MPP3: variants seen among roughly 807,000 people sequenced by gnomAD.
The protein encoded by MPP3 is MAGUK p55 scaffold protein 3.
A neutral mutation model predicts 80.7 loss-of-function variants in MPP3; 48 were observed. The observed-to-expected ratio is 0.59, with a 90% CI of 0.47 to 0.76. MPP3 has a LOEUF of 0.76. MPP3 is among the 30% of genes least tolerant of loss of function. The pLI is 0.00. For synonymous variants in MPP3, 311 were observed against 297.6 expected, an observed-to-expected ratio of 1.04 and a Z score of -0.46; for missense variants, 620 against 763.0, an observed-to-expected ratio of 0.81 and a Z score of 2.21.
At chr17:43,831,718 G>A (rs763924670) in intron 3 of MPP3, 41 bp from the exon 4 acceptor site, 5 of 1,538,216 alleles carry the variant, frequency 3.3e-6, no homozygotes, top group Admixed American at 1.8e-5. Context: ...CAAACGCAGT[G>A]GGTGCTCCCT....
At chr17:43,818,636 G>A (rs564105202) in intron 11 of MPP3, among the ~76,000 whole-genome samples, 102 of 152,248 alleles carry the variant, frequency 6.7e-4, no homozygotes, top group Non-Finnish European at 1.2e-3. Context: ...TTTAAATGCA[G>A]CTGAAGGGCC....
chr17:43,817,898 C>G, intron 12 of MPP3, 148 bp downstream of exon 12: 59 of 303,090 alleles, frequency 1.9e-4, no homozygotes, highest in East Asian at 1.3e-3. Flanking sequence ...CCTCCTACTT[C>G]CCACCCCCTC....
chr17:43,805,332 G>A (rs8081404), intron 19 of MPP3, among the ~76,000 whole-genome samples: 6,071 of 152,286 alleles, frequency 0.04, 401 homozygotes, highest in African/African-American at 0.14. Flanking sequence ...AAGGGCTGGT[G>A]AGGATGTGGA....
intron 12 of MPP3, chr17:43,817,824 C>A: frequency 4.5e-6 from 2 of 440,858 alleles, no homozygotes; most frequent in Non-Finnish European, 4.1e-6. Context: ...TGTTAACATA[C>A]CCCCCAGCAT....
chr17:43,827,038 G>T (rs1428183939), intron 8 of MPP3, among the ~76,000 whole-genome samples: 1 of 151,140 alleles, frequency 6.6e-6, no homozygotes. Flanking sequence ...TTTTTGAGAC[G>T]GAATTTCACT....
chr17:43,823,698 C>G (rs2045565390), intron 10 of MPP3, among the ~76,000 whole-genome samples: 1 of 152,168 alleles, frequency 6.6e-6, no homozygotes, highest in Non-Finnish European at 1.5e-5. Context: ...TTAAAATAAC[C>G]TTGTCTTTTA....
chr17:43,814,016 A>G lies in MPP3; in HGVS notation c.1250T>C (p.Val417Ala). Residue 417 changes from valine (V) to alanine (A), a missense_variant, in exon 16 of 20, where the codon GTT becomes GCT. Coordinates refer to ENST00000398389, the MANE Select transcript of MPP3 (RefSeq NM_001932.6). The stretch of plus-strand genomic sequence containing the variant: ...TCCCACATGGGCCCTCTTACGTGGA[A>G]CAGCGACGCCAAAGTGCTGTGGGTT... ...AENPQHFGVA[V>A]PHTTRPRKSH... 2 of 1,612,070 alleles carry G rather than the reference A, an allele frequency of 1.2e-6. No homozygotes were observed. The highest frequency in any genetic ancestry group is 1.7e-6 in the Non-Finnish European group (2 of 1,178,726).
At chr17:43,825,923 C>T (rs1183625442) in intron 8 of MPP3, 82 bp from the exon 9 acceptor site, 15 of 885,638 alleles carry the variant, frequency 1.7e-5, no homozygotes, top group East Asian at 5.1e-5. Context: ...CCACAGGGGC[C>T]GGCCTGAGAA....
At chr17:43,804,791 T>C (rs2341381) in intron 19 of MPP3, among the ~76,000 whole-genome samples, 121,511 of 152,174 alleles carry the variant, frequency 0.8, 48,824 homozygotes, top group African/African-American at 0.84. Context: ...CCGAGGCAGG[T>C]GGATCACCCA....
intron 19 of MPP3, among the ~76,000 whole-genome samples, chr17:43,803,650 C>T (rs998762690): frequency 3.9e-5 from 6 of 152,214 alleles, no homozygotes; most frequent in Non-Finnish European, 7.3e-5. Context: ...TTACACAAAA[C>T]CCATGCCTTT....
chr17:43,829,554 C>G, intron 7 of MPP3, 100 bp downstream of exon 7: 1 of 1,420,010 alleles, frequency 7.0e-7, no homozygotes, highest in Middle Eastern at 2.0e-4. Context: ...GCTGCCGTCA[C>G]TCACTCTGAA....
chr17:43,821,181 T>G (rs562721439), intron 10 of MPP3, 123 bp from the exon 11 acceptor site: 2 of 850,006 alleles, frequency 2.4e-6, no homozygotes, highest in Admixed American at 2.3e-5. Flanking sequence ...GCCTTTCAAA[T>G]AGAAAGCTAC....
rs775493964 is a variant in MPP3 at position 43,830,016 on chromosome 17, TG to T, written c.303+10del. ...CAGAGGCATGGCTGGGCAGGGGCTC[TG>T]TGTGACTACCCTCAGGTGCGGGGTG... On this transcript the variant is annotated intron_variant, in intron 6 of 19. Transcript: ENST00000398389. The T allele has an allele frequency of 6.2e-7, 1 of 1,606,358 alleles. No homozygotes were observed. Among genetic ancestry groups the T allele is most frequent in the South Asian group, 1.1e-5 (1 of 90,106 alleles).
At chr17:43,821,094 C>T in intron 10 of MPP3, 36 bp from the exon 11 acceptor site, 1 of 1,599,836 alleles carries the variant, frequency 6.3e-7, no homozygotes, top group Non-Finnish European at 8.5e-7. Context: ...CGGCCCTTCC[C>T]CAAGTGAGCA....
At chr17:43,820,290 G>A (rs1436111580) in intron 11 of MPP3, among the ~76,000 whole-genome samples, 2 of 152,020 alleles carry the variant, frequency 1.3e-5, no homozygotes, top group African/African-American at 4.8e-5. Context: ...CATTCTCTGA[G>A]CATGCATTAT....
intron 5 of MPP3, 80 bp downstream of exon 5, chr17:43,831,164 C>G: frequency 7.3e-7 from 1 of 1,376,178 alleles, no homozygotes; most frequent in South Asian, 1.2e-5. Context: ...TGTCCCCACA[C>G]TAAGCAAGCG....
intron 19 of MPP3, among the ~76,000 whole-genome samples, chr17:43,808,539 G>A (rs951846860): frequency 2.0e-5 from 3 of 152,240 alleles, no homozygotes; most frequent in African/African-American, 7.2e-5. Flanking sequence ...ATTCACTGAT[G>A]ATTCAAACTG....
Position 43,831,576 on chromosome 17 carries a change from G to A in MPP3, c.127C>T (p.Leu43Phe), listed in dbSNP as rs973018242. 6.2e-7 allele frequency: 1 copy of A among 1,612,972 alleles called. No individual in the cohort carries two copies. Among genetic ancestry groups the A allele is most frequent in the Non-Finnish European group, 8.5e-7 (1 of 1,179,058 alleles). ...FLRDVFSEKS[L>F]SYLMKIHEKL... Reference sequence around the variant, plus strand: ...GACTTCACCTTCATTAAGTAACTGAGGCTTTTTTCACTGAAAACATCCCTC... The same window carrying A: ...GACTTCACCTTCATTAAGTAACTGAAGCTTTTTTCACTGAAAACATCCCTC... The change falls in exon 4 of 20, where the codon CTC (leucine) becomes TTC (phenylalanine). Residue 43 changes from leucine to phenylalanine, a missense_variant. Coordinates refer to ENST00000398389, the MANE Select transcript of MPP3 (RefSeq NM_001932.6).
At chr17:43,803,198 G>A (rs1160219638) in intron 19 of MPP3, among the ~76,000 whole-genome samples, 1 of 151,954 alleles carries the variant, frequency 6.6e-6, no homozygotes, top group Non-Finnish European at 1.5e-5. Flanking sequence ...CTATAGACCT[G>A]TCTGCTGCTT....
Sources: allele counts gnomAD v4.1 joint callset (sites outside exome capture counted in the v4.1 genomes callset), GRCh38; gene constraint gnomAD v4.1.1; transcripts MANE v1.5; gene names NCBI Gene and HGNC (gene_info 2026-07-23, HGNC 2026-07-21).